ATP9A: variants seen among roughly 807,000 people sequenced by gnomAD.
ATP9A encodes the protein ATPase phospholipid transporting 9A, also known as probable phospholipid-transporting ATPase IIA.
ATP9A carries 52 observed loss-of-function variants against 144.1 expected under a neutral mutation model. The ratio of observed to expected loss-of-function variants is 0.36; its 90% CI spans 0.29 to 0.45. The LOEUF (loss-of-function observed/expected upper bound fraction) is 0.45, where lower values mean the gene tolerates loss of function less well. Ranked by LOEUF, ATP9A falls within the 20% of genes least tolerant of loss-of-function variation. The pLI is 1.00. For missense variants in ATP9A, 947 were observed against 1,392.7 expected (o/e 0.68, Z 5.09); for synonymous variants, 582 against 557.4 (o/e 1.04, Z -0.62).
intron 4 of ATP9A, among the ~76,000 whole-genome samples, chr20:51,704,674 G>A (rs1271562313): frequency 1.3e-5 from 2 of 152,214 alleles, no homozygotes; most frequent in Non-Finnish European, 2.9e-5. Flanking sequence ...CAGCTACTCG[G>A]GAGGCTGAGG....
intron 9 of ATP9A, among the ~76,000 whole-genome samples, chr20:51,683,167 A>G (rs1198745276): frequency 6.6e-6 from 1 of 152,160 alleles, no homozygotes; most frequent in Non-Finnish European, 1.5e-5. Flanking sequence ...AGCTGACTGC[A>G]GCCTTGACCT....
intron 27 of ATP9A, among the ~76,000 whole-genome samples, chr20:51,603,186 C>G (rs1194163769): frequency 6.6e-6 from 1 of 152,192 alleles, no homozygotes. Context: ...AAAGGAGAAA[C>G]AGTATCACTC....
intron 1 of ATP9A, among the ~76,000 whole-genome samples, chr20:51,756,658 C>G (rs1401990705): frequency 6.6e-6 from 1 of 152,108 alleles, no homozygotes; most frequent in Non-Finnish European, 1.5e-5. Flanking sequence ...ATCCTAACAG[C>G]TTCATTTTAA....
At chr20:51,678,913 G>GT (rs1203297005) in intron 9 of ATP9A, among the ~76,000 whole-genome samples, 1 of 152,162 alleles carries the variant, frequency 6.6e-6, no homozygotes, top group African/African-American at 2.4e-5. Context: ...CTCATCCTCA[G>GT]TGAGACCACC....
intron 21 of ATP9A, 80 bp downstream of exon 21, chr20:51,618,582 A>T: frequency 6.6e-7 from 1 of 1,513,644 alleles, no homozygotes; most frequent in Non-Finnish European, 8.8e-7. Flanking sequence ...AAAGAGCAGC[A>T]GTGTCCAAAT....
At chr20:51,685,036 A>AAAAAT (rs2077517145) in intron 9 of ATP9A, among the ~76,000 whole-genome samples, 6 of 150,228 alleles carry the variant, frequency 4.0e-5, no homozygotes, top group Admixed American at 6.6e-5. Context: ...AAAAAAAAAA[A>AAAAAT]AAAATACAAA....
intron 15 of ATP9A, among the ~76,000 whole-genome samples, chr20:51,637,639 G>C (rs985567142): frequency 6.6e-6 from 1 of 152,032 alleles, no homozygotes; most frequent in African/African-American, 2.4e-5. Flanking sequence ...AGCAGGCAGG[G>C]GGCAGGGCCA....
intron 14 of ATP9A, among the ~76,000 whole-genome samples, chr20:51,640,263 T>C (rs1438403664): frequency 6.6e-6 from 1 of 151,536 alleles, no homozygotes; most frequent in African/African-American, 2.4e-5. Context: ...ACTGGGGGAG[T>C]GTCTTCAGTG....
chr20:51,743,835 T>C (rs939764727), intron 1 of ATP9A, among the ~76,000 whole-genome samples: 1 of 151,244 alleles, frequency 6.6e-6, no homozygotes. Context: ...GGTGAAACCC[T>C]GTCTCTACTA....
intron 3 of ATP9A, among the ~76,000 whole-genome samples, chr20:51,720,784 A>G (rs2077685470): frequency 6.6e-6 from 1 of 152,202 alleles, no homozygotes; most frequent in African/African-American, 2.4e-5. Context: ...CAGTGAGCCG[A>G]TATCGCGCCA....
intron 13 of ATP9A, among the ~76,000 whole-genome samples, chr20:51,667,900 T>C (rs975899074): frequency 2.7e-4 from 40 of 150,812 alleles, no homozygotes; most frequent in Non-Finnish European, 1.0e-4. Flanking sequence ...CTATAAAAAA[T>C]AAACCAAATT....
At chr20:51,713,462 C>T (rs1368758579) in intron 3 of ATP9A, among the ~76,000 whole-genome samples, 2 of 152,198 alleles carry the variant, frequency 1.3e-5, no homozygotes, top group Admixed American at 6.5e-5. Context: ...TGGAAGTGCA[C>T]TTCATCCTCA....
At chr20:51,734,137 C>T (rs114141053) in intron 1 of ATP9A, among the ~76,000 whole-genome samples, 211 of 149,938 alleles carry the variant, frequency 1.4e-3, no homozygotes, top group African/African-American at 5.0e-3. Context: ...CACAATCACA[C>T]CTGGCTAATT....
intron 15 of ATP9A, among the ~76,000 whole-genome samples, chr20:51,638,109 A>C (rs1197971265): frequency 1.3e-4 from 11 of 84,304 alleles, no homozygotes; most frequent in Admixed American, 6.5e-4. Flanking sequence ...ATATATATAT[A>C]TATATATATA....
chr20:51,721,123 T>C (rs543107351), intron 3 of ATP9A, among the ~76,000 whole-genome samples: 20 of 152,346 alleles, frequency 1.3e-4, no homozygotes, highest in Non-Finnish European at 2.5e-4. Flanking sequence ...GCTGCTGGCA[T>C]CACTTGTCTG....
At chr20:51,674,578 C>A (rs1421919349) in intron 10 of ATP9A, among the ~76,000 whole-genome samples, 1 of 151,968 alleles carries the variant, frequency 6.6e-6, no homozygotes, top group African/African-American at 2.4e-5. Flanking sequence ...TCTGAAAACT[C>A]AAAAAAATGT....
At chr20:51,751,571 CTTTTTG>C (rs935538674) in intron 1 of ATP9A, among the ~76,000 whole-genome samples, 1 of 151,486 alleles carries the variant, frequency 6.6e-6, no homozygotes, top group African/African-American at 2.4e-5. Context: ...GCTCCTATTC[CTTTTTG>C]TTTGTTTTTT....
At chr20:51,616,999 T>C (rs1173065805) in intron 22 of ATP9A, among the ~76,000 whole-genome samples, 1 of 149,414 alleles carries the variant, frequency 6.7e-6, no homozygotes, top group Admixed American at 6.8e-5. Context: ...TGGAGTGCAG[T>C]GGCGCAATCT....
intron 22 of ATP9A, among the ~76,000 whole-genome samples, chr20:51,615,063 C>T (rs914225381): frequency 2.7e-5 from 3 of 111,216 alleles, no homozygotes; most frequent in East Asian, 5.6e-4. Context: ...AGCATTGTAT[C>T]GATGTTACAT....
Sources: allele counts gnomAD v4.1 joint callset (sites outside exome capture counted in the v4.1 genomes callset), GRCh38; gene constraint gnomAD v4.1.1; transcripts MANE v1.5; gene names NCBI Gene and HGNC (gene_info 2026-07-23, HGNC 2026-07-21).